The following CYTH3 variants were observed in gnomAD, a reference collection of about 807,000 sequenced individuals.
CYTH3 encodes the protein cytohesin 3, also known as cytohesin-3.
In CYTH3, 23 loss-of-function variants were observed where a neutral mutation model predicts 55.1. The observed-to-expected ratio is 0.42, with a 90% CI of 0.30 to 0.59. The LOEUF (loss-of-function observed/expected upper bound fraction) is 0.59. Among genes scored for constraint, CYTH3 ranks in the 20% least tolerant of loss-of-function variants. CYTH3 has a pLI of 0.20. For missense variants in CYTH3, 413 were observed against 524.8 expected, an observed-to-expected ratio of 0.79 and a Z score of 2.08; for synonymous variants, 249 against 194.9, an observed-to-expected ratio of 1.28 and a Z score of -2.31.
chr7:6,209,872 T>C (rs1301531843), intron 1 of CYTH3, among the ~76,000 whole-genome samples: 2 of 152,152 alleles, frequency 1.3e-5, no homozygotes, highest in Admixed American at 1.3e-4. Context: ...GGCTACATAT[T>C]GTACAATTTC....
At chr7:6,232,797 C>T (rs1032096966) in intron 1 of CYTH3, among the ~76,000 whole-genome samples, 1 of 152,120 alleles carries the variant, frequency 6.6e-6, no homozygotes, top group African/African-American at 2.4e-5. Flanking sequence ...CTGTAACTTC[C>T]CCCACACCCT....
In CYTH3 at chr7:6,167,885, T is replaced by G. The variant is rs1274657422; in HGVS notation, c.824-2075A>C. On this transcript the variant is annotated intron_variant, in intron 9 of 12. Coordinates refer to ENST00000350796, the MANE Select transcript of CYTH3 (RefSeq NM_004227.4). This position sits in a 1 kb window ranked among gnomAD's most constrained non-coding sequence, Gnocchi z 5.5. ...GCCAGGTGGCCTCTCAGCTCCACCT[T>G]GGGTCCCCCGCTCACACCTCCCATG... Among the ~76,000 whole-genome samples, 1 of 152,176 alleles carries G rather than the reference T, an allele frequency of 6.6e-6. No homozygotes were observed. The highest frequency in any genetic ancestry group is 1.5e-5 in the Non-Finnish European group (1 of 68,008).
chr7:6,249,998 C>T (rs897154902), intron 1 of CYTH3, among the ~76,000 whole-genome samples: 4 of 152,198 alleles, frequency 2.6e-5, no homozygotes, highest in Non-Finnish European at 4.4e-5. Flanking sequence ...TACGCTTTGA[C>T]CAACTTCTCC....
At chr7:6,270,186 TAA>T (rs1780614775) in intron 1 of CYTH3, among the ~76,000 whole-genome samples, 1 of 152,242 alleles carries the variant, frequency 6.6e-6, no homozygotes, top group Admixed American at 6.5e-5. Flanking sequence ...TGTAAGCACA[TAA>T]AGTTTATACA....
chr7:6,233,147 C>T (rs1779429599), intron 1 of CYTH3, among the ~76,000 whole-genome samples: 1 of 152,162 alleles, frequency 6.6e-6, no homozygotes, highest in Non-Finnish European at 1.5e-5. Context: ...GTTGCTTTCT[C>T]AACTTTAGTG....
intron 1 of CYTH3, among the ~76,000 whole-genome samples, chr7:6,219,039 G>A (rs1385419511): frequency 6.7e-6 from 1 of 149,344 alleles, no homozygotes; most frequent in African/African-American, 2.5e-5. Context: ...TGCCACTGAG[G>A]ACTCAGGAGA....
At chr7:6,258,182 G>A (rs754941538) in intron 1 of CYTH3, among the ~76,000 whole-genome samples, 20 of 151,564 alleles carry the variant, frequency 1.3e-4, no homozygotes, top group East Asian at 1.2e-3. Context: ...TTAGCGCAGC[G>A]TGGTGGTGAG....
At chr7:6,198,795 G>A (rs563606628) in intron 1 of CYTH3, among the ~76,000 whole-genome samples, 28 of 151,394 alleles carry the variant, frequency 1.8e-4, no homozygotes, top group African/African-American at 6.6e-4. Flanking sequence ...AAAAGGGCAG[G>A]TTAACTGGAA....
chr7:6,177,766 G>T, intron 5 of CYTH3, 57 bp downstream of exon 5: 1 of 1,364,956 alleles, frequency 7.3e-7, no homozygotes, highest in Non-Finnish European at 1.0e-6. Context: ...GTGAGCCTAG[G>T]TCAAGCTGCA....
chr7:6,267,126 C>T (rs1780517505), intron 1 of CYTH3, among the ~76,000 whole-genome samples: 1 of 152,216 alleles, frequency 6.6e-6, no homozygotes, highest in African/African-American at 2.4e-5. Context: ...CCTGATCCTG[C>T]TTCACCTTCC....
intron 9 of CYTH3, among the ~76,000 whole-genome samples, chr7:6,168,514 AAC>A (rs1239396925): frequency 1.3e-5 from 2 of 152,066 alleles, no homozygotes; most frequent in Non-Finnish European, 2.9e-5. Context: ...TGTTTCTGAG[AAC>A]ACAGCAGACA....
Position 6,164,829 on chromosome 7 carries a change from C to T in CYTH3, c.*115G>A, listed in dbSNP as rs1297721543. 8.7e-7 allele frequency: 1 copy of T among 1,155,986 alleles called. No homozygotes were observed. Among genetic ancestry groups the T allele is most frequent in the Middle Eastern group, 2.7e-4 (1 of 3,666 alleles). 71.6% of individuals were successfully genotyped at this position (1,155,986 alleles called of 1,614,324 possible). ...ACCTGGGCCACGGTATGCTCTGGAG[C>T]AGCAGCTTGCACCGCAGGGCGACTG... On this transcript the variant is annotated 3_prime_UTR_variant, in exon 13 of 13. Coordinates refer to ENST00000350796, the MANE Select transcript of CYTH3 (RefSeq NM_004227.4).
chr7:6,178,940 G>A (rs1783410713), intron 4 of CYTH3, among the ~76,000 whole-genome samples: 1 of 152,174 alleles, frequency 6.6e-6, no homozygotes, highest in Non-Finnish European at 1.5e-5. Flanking sequence ...GTTGGCAAGG[G>A]TGGCAAGGGA....
At chr7:6,260,639 G>T (rs938014878) in intron 1 of CYTH3, among the ~76,000 whole-genome samples, 1 of 151,944 alleles carries the variant, frequency 6.6e-6, no homozygotes, top group African/African-American at 2.4e-5. Context: ...CCCATTTTAG[G>T]CCGTCTCTAA....
At position 6,170,813 on chromosome 7, in the gene CYTH3, C is replaced by CG; in HGVS notation, c.711+16dup. ...GAGATCCTGCAGACGGCAGCGGCCG[C>CG]GGGCCGGGGAGCTCACCCTCAGCAG... On this transcript the variant is annotated intron_variant, in intron 8 of 12. Coordinates refer to ENST00000350796, the MANE Select transcript of CYTH3 (RefSeq NM_004227.4). This position sits in a 1 kb window ranked among gnomAD's most constrained non-coding sequence, Gnocchi z 7.8. 1 of 1,602,784 alleles carries CG rather than the reference C, an allele frequency of 6.2e-7. No homozygotes were observed. Among genetic ancestry groups the CG allele is most frequent in the Admixed American group, 1.7e-5 (1 of 58,748 alleles).
chr7:6,225,170 T>C (rs1397929932), intron 1 of CYTH3, among the ~76,000 whole-genome samples: 2 of 152,292 alleles, frequency 1.3e-5, no homozygotes, highest in Middle Eastern at 3.4e-3. Context: ...TTATTGAATG[T>C]CTATTATTAA....
At position 6,235,679 on chromosome 7, in the gene CYTH3, C is replaced by T. The variant is rs150552027; in HGVS notation, c.34+36795G>A. ...CTGAAATAAAAAATACAACATGTCA[C>T]ATGTGAGTAAAGCAATACAACAGCT... is the stretch of plus-strand genomic sequence containing the variant. On this transcript the variant is annotated intron_variant, in intron 1 of 12. Coordinates refer to ENST00000350796, the MANE Select transcript of CYTH3 (RefSeq NM_004227.4). Among the ~76,000 whole-genome samples the T allele has an allele frequency of 1.8e-3, 271 of 152,248 alleles. 1 individual carries two copies. The highest frequency in any genetic ancestry group is 5.9e-3 in the African/African-American group (245 of 41,536).
At chr7:6,257,740 T>C (rs1780166318) in intron 1 of CYTH3, among the ~76,000 whole-genome samples, 1 of 152,220 alleles carries the variant, frequency 6.6e-6, no homozygotes, top group Admixed American at 6.5e-5. Context: ...ACCTACCTGC[T>C]GCTACAGCCA....
At chr7:6,235,466 C>A (rs1779495618) in intron 1 of CYTH3, among the ~76,000 whole-genome samples, 1 of 134,970 alleles carries the variant, frequency 7.4e-6, no homozygotes. Flanking sequence ...GAGGGAGACT[C>A]TATCTCAAAA....
Sources: gnomAD v4.1 joint callset for allele counts (sites outside exome capture counted in the v4.1 genomes callset) on GRCh38, gnomAD v4.1.1 for gene constraint, Gnocchi (gnomAD v3.1) non-coding constraint, MANE v1.5 for transcripts, NCBI Gene and HGNC (gene_info 2026-07-23, HGNC 2026-07-21) for gene names.